The following SMYD3 variants were observed in gnomAD, a reference collection of about 807,000 sequenced individuals.
The protein encoded by SMYD3 is histone-lysine N-methyltransferase SMYD3.
SMYD3 carries 36 observed loss-of-function variants against 57.7 expected under a neutral mutation model. That is an observed-to-expected ratio of 0.62 (90% CI 0.48 to 0.82). The LOEUF is 0.82. Ranked by LOEUF, SMYD3 falls within the 40% of genes least tolerant of loss-of-function variation. SMYD3 has a pLI of 0.00. For synonymous variants in SMYD3, 211 were observed against 195.0 expected (o/e 1.08, Z -0.68); for missense variants, 515 against 538.8 (o/e 0.96, Z 0.44).
chr1:246,022,150 G>T (rs1310531975), intron 5 of SMYD3, among the ~76,000 whole-genome samples: 1 of 152,214 alleles, frequency 6.6e-6, no homozygotes, highest in African/African-American at 2.4e-5. Context: ...CAAATGCATT[G>T]CTGTACTTAA....
intron 5 of SMYD3, among the ~76,000 whole-genome samples, chr1:246,124,348 A>AAAAG (rs34299909): frequency 0.09 from 13,642 of 152,018 alleles, 1,300 homozygotes; most frequent in African/African-American, 0.23. Flanking sequence ...AATGAATAAA[A>AAAAG]AAAGAAAGAA....
At chr1:245,969,423 T>G (rs2058239656) in intron 5 of SMYD3, among the ~76,000 whole-genome samples, 1 of 152,236 alleles carries the variant, frequency 6.6e-6, no homozygotes, top group Non-Finnish European at 1.5e-5. Flanking sequence ...TAAAAACCAC[T>G]AAGCAAAGCC....
chr1:245,887,802 G>T (rs959280827), intron 8 of SMYD3, among the ~76,000 whole-genome samples: 2 of 152,212 alleles, frequency 1.3e-5, no homozygotes, highest in Middle Eastern at 3.4e-3. Flanking sequence ...TCAATCTCAG[G>T]ATTCCCATGG....
rs1558485871 is a variant in SMYD3, at chr1:246,484,182, CACTA to C, written c.164+22868_164+22871del. ...TTCAACCAAAATACCTAAACCATTG[CACTA>C]GTTACACCTAAAAACACATCACTTC... On this transcript the variant is annotated intron_variant, in intron 1 of 11. Coordinates refer to ENST00000490107, the MANE Select transcript of SMYD3 (RefSeq NM_001167740.2). 5.7e-4 allele frequency among the ~76,000 whole-genome samples: 32 copies of C among 55,722 alleles called. 4 individuals are homozygous for C. The highest frequency in any genetic ancestry group is 3.9e-3 in the African/African-American group (26 of 6,718). The allele number at this position is 55,722 out of a possible 152,430, so 36.6% of individuals were successfully genotyped here. A position where few individuals can be genotyped will look rare whatever the true frequency, so the allele number is the denominator to read the frequency against.
At chr1:246,425,293 C>T (rs968177330) in intron 1 of SMYD3, among the ~76,000 whole-genome samples, 1 of 152,114 alleles carries the variant, frequency 6.6e-6, no homozygotes, top group East Asian at 1.9e-4. Context: ...TCAGAAACGA[C>T]CACAGCTCTC....
At chr1:246,213,133 G>A (rs1259715754) in intron 5 of SMYD3, among the ~76,000 whole-genome samples, 1 of 152,154 alleles carries the variant, frequency 6.6e-6, no homozygotes, top group African/African-American at 2.4e-5. Context: ...AGGGAAATTA[G>A]TATTCTTTCA....
intron 5 of SMYD3, among the ~76,000 whole-genome samples, chr1:246,239,343 T>C (rs974729908): frequency 5.2e-4 from 79 of 152,140 alleles, no homozygotes; most frequent in African/African-American, 1.8e-3. Flanking sequence ...TGAGAACATG[T>C]GGTGTTTGAT....
At chr1:246,405,225 T>C (rs2066841783) in intron 1 of SMYD3, among the ~76,000 whole-genome samples, 3 of 152,216 alleles carry the variant, frequency 2.0e-5, no homozygotes, top group African/African-American at 7.2e-5. Context: ...GTTCTGGGAT[T>C]ACAGGGATGA....
At chr1:246,022,315 C>G (rs1013783348) in intron 5 of SMYD3, among the ~76,000 whole-genome samples, 2 of 152,126 alleles carry the variant, frequency 1.3e-5, no homozygotes, top group Non-Finnish European at 2.9e-5. Flanking sequence ...ATGTTCATTA[C>G]AGAAATGTTT....
intron 5 of SMYD3, among the ~76,000 whole-genome samples, chr1:246,020,257 A>G (rs886342161): frequency 3.3e-5 from 5 of 152,354 alleles, no homozygotes; most frequent in Admixed American, 3.3e-4. Context: ...TCTTCAGCAC[A>G]ATACCTTTTA....
chr1:245,767,440 G>A (rs115564302), intron 10 of SMYD3, among the ~76,000 whole-genome samples: 1,713 of 152,312 alleles, frequency 0.011, 19 homozygotes, highest in Non-Finnish European at 0.018. Flanking sequence ...ATATAGAAAG[G>A]CATGTGACAG....
chr1:246,183,315 G>A (rs1053952473), intron 5 of SMYD3, among the ~76,000 whole-genome samples: 57 of 151,536 alleles, frequency 3.8e-4, no homozygotes, highest in African/African-American at 1.4e-3. Context: ...CATCAACTGC[G>A]TCTTCAAAGC....
intron 1 of SMYD3, among the ~76,000 whole-genome samples, chr1:246,492,213 T>G (rs1483874212): frequency 6.6e-6 from 1 of 152,110 alleles, no homozygotes; most frequent in East Asian, 1.9e-4. Flanking sequence ...TCAGACTGAA[T>G]AAAAGATGAT....
At chr1:245,829,690 A>G (rs1428087888) in intron 10 of SMYD3, among the ~76,000 whole-genome samples, 1 of 152,220 alleles carries the variant, frequency 6.6e-6, no homozygotes, top group Non-Finnish European at 1.5e-5. Context: ...ACTTGTGCAC[A>G]CATGTTCACA....
intron 7 of SMYD3, among the ~76,000 whole-genome samples, chr1:245,917,514 CT>C (rs2055527817): frequency 6.6e-6 from 1 of 152,168 alleles, no homozygotes; most frequent in Admixed American, 6.5e-5. Flanking sequence ...GGCCTCCCGT[CT>C]GGCTCCACAC....
chr1:246,500,700 C>CT lies in SMYD3; in HGVS notation c.164+6353_164+6354insA. Among the ~76,000 whole-genome samples the CT allele has an allele frequency of 2.0e-5, 3 of 148,294 alleles. No homozygotes were observed. In the South Asian group the frequency reaches 6.5e-4, roughly 32 times the overall value. ...GAGTTCCAGGCACCAGCCTCTATCC[C>CT]CGTCCCCATGGTTGCTCTGTTCTTG... On this transcript the variant is annotated intron_variant, in intron 1 of 11. Coordinates refer to ENST00000490107, the MANE Select transcript of SMYD3 (RefSeq NM_001167740.2).
At chr1:245,858,805 C>G in intron 9 of SMYD3, 135 bp from the exon 10 acceptor site, 1 of 837,170 alleles carries the variant, frequency 1.2e-6, no homozygotes, top group Non-Finnish European at 1.8e-6. Flanking sequence ...AGATGAGCTG[C>G]CTGAAAACAC....
intron 5 of SMYD3, among the ~76,000 whole-genome samples, chr1:246,210,372 T>C (rs1190007569): frequency 6.6e-6 from 1 of 152,092 alleles, no homozygotes; most frequent in African/African-American, 2.4e-5. Context: ...AACATAGGCA[T>C]GACTGGATGG....
intron 5 of SMYD3, among the ~76,000 whole-genome samples, chr1:246,061,698 C>T (rs1359856677): frequency 6.6e-6 from 1 of 152,208 alleles, no homozygotes; most frequent in African/African-American, 2.4e-5. Context: ...TGCACCCAGC[C>T]TGGGCGACAG....
Sources: allele counts gnomAD v4.1 joint callset (sites outside exome capture counted in the v4.1 genomes callset), GRCh38; gene constraint gnomAD v4.1.1; transcripts MANE v1.5; gene names NCBI Gene and HGNC (gene_info 2026-07-23, HGNC 2026-07-21).